The following STT3A variants were observed in gnomAD, a reference collection of about 807,000 sequenced individuals.
The protein encoded by STT3A is dolichyl-diphosphooligosaccharide--protein glycosyltransferase subunit STT3A.
STT3A carries 34 observed loss-of-function variants against 89.2 expected under a neutral mutation model. That is an observed-to-expected ratio of 0.38 (90% CI 0.29 to 0.51). STT3A has a LOEUF of 0.51. Among genes scored for constraint, STT3A ranks in the 20% least tolerant of loss-of-function variants. The pLI is 0.89. For synonymous variants in STT3A, 282 were observed against 310.3 expected (o/e 0.91, Z 0.96); for missense variants, 555 against 889.5 (o/e 0.62, Z 4.78).
intron 11 of STT3A, among the ~76,000 whole-genome samples, 177 bp from the exon 12 acceptor site, chr11:125,612,415 A>G (rs545942037): frequency 6.6e-6 from 1 of 152,358 alleles, no homozygotes; most frequent in African/African-American, 2.4e-5. Flanking sequence ...TATAATTGAA[A>G]CAAAGTTTAA....
chr11:125,620,058 A>G lies in STT3A; in HGVS notation c.2011A>G (p.Lys671Glu). ...DRVRNAEIGN[K>E]DFELDVLEEA... The stretch of plus-strand genomic sequence containing the variant: ...TGTCCGAAATGCTGAGATTGGGAAT[A>G]AAGACTTTGAGCTTGATGTCCTGGA... The change falls in exon 17 of 18, where the codon AAA (lysine) becomes GAA (glutamate). Residue 671 changes from lysine (K) to glutamate (E), a missense_variant. Physicochemically the swap from Lys to Glu is moderately conservative, Grantham distance 56 (BLOSUM62 1). Transcript: ENST00000392708. 6.2e-7 allele frequency: 1 copy of G among 1,614,188 alleles called. No homozygotes were observed.
chr11:125,612,817 C>G, intron 12 of STT3A, 70 bp downstream of exon 12: 1 of 1,568,876 alleles, frequency 6.4e-7, no homozygotes, highest in Non-Finnish European at 8.7e-7. Flanking sequence ...ATGTGGGCAG[C>G]GGGGGGTGGG....
chr11:125,602,017 T>G (rs1002697160), intron 3 of STT3A, among the ~76,000 whole-genome samples: 2 of 152,122 alleles, frequency 1.3e-5, no homozygotes, highest in African/African-American at 4.8e-5. Context: ...CAGGCCAGTC[T>G]CGAACTCCTG....
rs373087114 is a variant in STT3A at position 125,599,493 on chromosome 11, C to T, written c.149+2374C>T. Among the ~76,000 whole-genome samples the T allele has an allele frequency of 1.2e-4, 19 of 152,268 alleles. No individual in the cohort carries two copies. The East Asian group carries it at 3.5e-3, about 28-fold the overall frequency. On this transcript the variant is annotated intron_variant, in intron 3 of 17. Transcript: ENST00000392708. Reference sequence around the variant, plus strand: ...GTGGCTCAGTTATGGCTCATGCAGCCTCAACTTCCTGGGCTCAAGTGATCC... The same window carrying T: ...GTGGCTCAGTTATGGCTCATGCAGCTTCAACTTCCTGGGCTCAAGTGATCC...
In STT3A at chr11:125,609,452, C is replaced by T. The variant is rs1346644322; in HGVS notation, c.980C>T (p.Thr327Met). 1.4e-5 allele frequency: 22 copies of T among 1,610,018 alleles called. No homozygotes were observed. Among genetic ancestry groups the T allele is most frequent in the Admixed American group, 1.7e-5 (1 of 58,838 alleles). ...CTGCTAGGAAAAATATCTCCCTGGA[C>T]GGGGCGTTTCTACTCGCTGCTGGAT... is the stretch of plus-strand genomic sequence containing the variant. ...LMLTGKISPW[T>M]GRFYSLLDPS... is the part of the protein sequence containing the mutation. Residue 327 changes from threonine (T) to methionine (M), a missense_variant, in exon 10 of 18, where the codon ACG becomes ATG. Around this residue, in one of 5 missense-constraint regions of STT3A, gnomAD observed 149 missense variants for 206.2 expected, o/e 0.72. Transcript: ENST00000392708.
Position 125,597,047 on chromosome 11 carries a change from T to C in STT3A, c.89-12T>C. On this transcript the variant is annotated splice_polypyrimidine_tract_variant and intron_variant, in intron 2 of 17. Coordinates refer to ENST00000392708, the MANE Select transcript of STT3A (RefSeq NM_152713.5). ...CATTACCAATAAAATATTAACTCTC[T>C]GGTTTTTGCAGCCTTCTCCACTCGT... 1.2e-6 allele frequency: 2 copies of C among 1,614,094 alleles called. No homozygotes were observed. The highest frequency in any genetic ancestry group is 1.3e-5 in the African/African-American group (1 of 75,048).
chr11:125,606,188 G>A, intron 7 of STT3A, 113 bp from the exon 8 acceptor site: 4 of 1,044,172 alleles, frequency 3.8e-6, no homozygotes, highest in Non-Finnish European at 5.5e-6. Flanking sequence ...CATAAATAAA[G>A]TTATAGTTAC....
chr11:125,592,560 C>T, upstream of STT3A: 1 of 447,892 alleles, frequency 2.2e-6, no homozygotes, highest in South Asian at 1.6e-5. Flanking sequence ...CCCCGTGGGT[C>T]CGCAAACCGA....
At position 125,606,391 on chromosome 11, in the gene STT3A, A is replaced by C. The variant is rs1402096939; in HGVS notation, c.706A>C (p.Ile236Leu). 9 of 1,613,996 alleles carry C rather than the reference A, an allele frequency of 5.6e-6. No homozygotes were observed. The highest frequency in any genetic ancestry group is 7.6e-6 in the Non-Finnish European group (9 of 1,180,018). ...LMLTGRFSHR[I>L]YVAYCTVYCL... ...GCTCACAGGCCGTTTCTCTCACCGG[A>C]TCTATGTGGCCTACTGTACTGTTTA... Residue 236 changes from isoleucine to leucine, a missense_variant, in exon 8 of 18, where the codon ATC (isoleucine) becomes CTC (leucine). Ile to Leu is a conservative substitution (Grantham distance 5). This residue lies in a region of STT3A where 149 missense variants were observed against 206.2 expected (regional missense o/e 0.72). Coordinates refer to ENST00000392708, the MANE Select transcript of STT3A (RefSeq NM_152713.5).
intron 4 of STT3A, 125 bp from the exon 5 acceptor site, chr11:125,602,678 A>G (rs916359056): frequency 9.2e-6 from 12 of 1,305,712 alleles, no homozygotes; most frequent in African/African-American, 2.9e-5. Flanking sequence ...TGCAGTTGCT[A>G]TGTTAGTATT....
intron 3 of STT3A, among the ~76,000 whole-genome samples, chr11:125,600,523 T>G (rs1420008143): frequency 2.7e-5 from 4 of 149,932 alleles, no homozygotes; most frequent in Non-Finnish European, 5.9e-5. Flanking sequence ...CACTAAGTCC[T>G]GCTGATTGTT....
At chr11:125,604,316 T>C (rs1385789679) in intron 6 of STT3A, 69 bp downstream of exon 6, 6 of 1,501,918 alleles carry the variant, frequency 4.0e-6, no homozygotes, top group Non-Finnish European at 5.5e-6. Context: ...CAAAGTGCAG[T>C]CTATGGTTTA....
chr11:125,610,381 T>C (rs2135934076), intron 10 of STT3A, among the ~76,000 whole-genome samples: 1 of 152,318 alleles, frequency 6.6e-6, no homozygotes, highest in South Asian at 2.1e-4. Flanking sequence ...TACTTTTTTC[T>C]TACTGTGAAA....
upstream of STT3A, chr11:125,592,445 C>A (rs1939328174): frequency 2.2e-6 from 1 of 456,304 alleles, no homozygotes; most frequent in East Asian, 6.9e-5. Context: ...ACGAGCGGCT[C>A]CGCATTCCGA....
Position 125,611,490 on chromosome 11 carries a change from G to T in STT3A, c.1180G>T (p.Val394Leu). ...CCGGATTTTTATCATCATGTATGGT[G>T]TGACCAGCATGTACTTTTCAGCTGT... ...DARIFIIMYG[V>L]TSMYFSAVMV... The change falls in exon 11 of 18, where the codon GTG becomes TTG. Residue 394 changes from valine to leucine, a missense_variant. Around this residue, in one of 5 missense-constraint regions of STT3A, gnomAD observed 273 missense variants for 449.8 expected, o/e 0.61. Coordinates refer to ENST00000392708, the MANE Select transcript of STT3A (RefSeq NM_152713.5). The T allele has an allele frequency of 6.2e-7, 1 of 1,614,048 alleles. No homozygotes were observed.
At chr11:125,606,710 G>C (rs1216501881) in intron 8 of STT3A, among the ~76,000 whole-genome samples, 1 of 152,170 alleles carries the variant, frequency 6.6e-6, no homozygotes. Flanking sequence ...TTGTGGGAAG[G>C]GGAGGGATAT....
intron 4 of STT3A, 168 bp from the exon 5 acceptor site, chr11:125,602,635 T>C (rs112278764): frequency 9.1e-7 from 1 of 1,094,258 alleles, no homozygotes; most frequent in East Asian, 2.6e-5. Flanking sequence ...AGACTTCTGA[T>C]TGAATCCTTA....
chr11:125,597,141 G>C, intron 3 of STT3A, 22 bp downstream of exon 3: 1 of 1,613,266 alleles, frequency 6.2e-7, no homozygotes, highest in Non-Finnish European at 8.5e-7. Context: ...TGCTTGATCT[G>C]GTATTATTTC....
rs1025567273 is a variant in STT3A at position 125,614,859 on chromosome 11, G to T, written c.1774+433G>T. 6.6e-6 allele frequency among the ~76,000 whole-genome samples: 1 copy of T among 151,914 alleles called. No individual in the cohort carries two copies. The highest frequency in any genetic ancestry group is 6.6e-5 in the Admixed American group (1 of 15,254). The stretch of plus-strand genomic sequence containing the variant: ...ATATAAAATATATATAAATAAAAGT[G>T]TGTGTAAAATGGAGGTTACCATGTG... On this transcript the variant is annotated intron_variant, in intron 15 of 17. Coordinates refer to ENST00000392708, the MANE Select transcript of STT3A (RefSeq NM_152713.5). The surrounding 1 kb of genome is among the most constrained non-coding windows in gnomAD (Gnocchi z 4.9).
Sources: allele counts gnomAD v4.1 joint callset (sites outside exome capture counted in the v4.1 genomes callset), GRCh38; gene constraint gnomAD v4.1.1; regional missense constraint gnomAD v4.1.1; non-coding constraint Gnocchi (gnomAD v3.1); transcripts MANE v1.5; gene names NCBI Gene and HGNC (gene_info 2026-07-23, HGNC 2026-07-21).